The following LYPD8 variants were observed in gnomAD, a reference collection of about 807,000 sequenced individuals.
LYPD8 encodes ly6/PLAUR domain-containing protein 8.
Under a neutral mutation model 1.7 loss-of-function variants are expected in LYPD8, and 8 were observed. The observed-to-expected ratio is 4.58, with a 90% confidence interval of 2.69 to 8.27. The LOEUF is 8.27. LYPD8 is among the 30% of genes most tolerant of loss of function. LYPD8 has a pLI of 0.00. For synonymous variants in LYPD8, 50 were observed against 43.6 expected, an observed-to-expected ratio of 1.15 and a Z score of -0.58; for missense variants, 112 against 102.3, an observed-to-expected ratio of 1.09 and a Z score of -0.41.
intron 2 of LYPD8, among the ~76,000 whole-genome samples, chr1:248,753,019 A>C (rs1662844133): frequency 1.2e-4 from 12 of 96,608 alleles, no homozygotes; most frequent in African/African-American, 3.1e-4. Flanking sequence ...TCATACACAC[A>C]CCACACACCC....
chr1:248,746,313 C>A (rs1057261304), intron 5 of LYPD8, among the ~76,000 whole-genome samples: 7 of 152,284 alleles, frequency 4.6e-5, no homozygotes, highest in African/African-American at 7.2e-5. Context: ...AACTACTGAC[C>A]GGAACTAAAG....
chr1:248,739,640 T>C lies in LYPD8; in HGVS notation c.685A>G (p.Ser229Gly), dbSNP rs1662548341. Residue 229 changes from serine to glycine, a missense_variant, in exon 7 of 7, where the codon AGC becomes GGC. By Grantham distance (56) the Ser-to-Gly change is moderately conservative (BLOSUM62 0). Transcript: ENST00000590317. The surrounding 1 kb of genome is among the most constrained non-coding windows in gnomAD (Gnocchi z 4.3). ...GGCAGCAGTCCCCGAAGAAGGAGGC[T>C]GGCAAGGGCCAAGAGGTAGAGGGAA... ...KASLYLLALA[S>G]LLLRGLLP The C allele has an allele frequency of 1.6e-5, 25 of 1,551,654 alleles. No individual in the cohort carries two copies. The highest frequency in any genetic ancestry group is 2.2e-5 in the Non-Finnish European group (25 of 1,146,968).
chr1:248,745,938 A>T (rs1466631439), intron 5 of LYPD8, among the ~76,000 whole-genome samples: 1 of 152,216 alleles, frequency 6.6e-6, no homozygotes, highest in African/African-American at 2.4e-5. Flanking sequence ...TGTGAATGTA[A>T]AGTGGAGTTT....
At chr1:248,742,564 C>T (rs1402453982) in intron 6 of LYPD8, among the ~76,000 whole-genome samples, 2 of 61,020 alleles carry the variant, frequency 3.3e-5, no homozygotes, top group African/African-American at 8.6e-5. Flanking sequence ...ATGTTGGCAG[C>T]CGGGGAGATT....
intron 2 of LYPD8, among the ~76,000 whole-genome samples, chr1:248,752,996 CAAACACA>C (rs1662842911): frequency 1.8e-5 from 1 of 56,296 alleles, no homozygotes; most frequent in Non-Finnish European, 4.2e-5. Flanking sequence ...AACACACACA[CAAACACA>C]CCACATCATA....
intron 2 of LYPD8, among the ~76,000 whole-genome samples, chr1:248,752,607 CCACACACAT>C (rs1243953319): frequency 2.6e-5 from 3 of 113,986 alleles, no homozygotes; most frequent in Non-Finnish European, 3.8e-5. Flanking sequence ...CCCACACACC[CCACACACAT>C]CACACACACA....
intron 3 of LYPD8, 50 bp from the exon 4 acceptor site, chr1:248,750,693 A>G (rs1235391937): frequency 2.5e-6 from 1 of 398,456 alleles, no homozygotes; most frequent in African/African-American, 2.1e-5. Context: ...AGACATTTAT[A>G]GAGCATACTC....
Position 248,739,547 on chromosome 1 carries a change from A to AG in LYPD8, c.*63dup. On this transcript the variant is annotated 3_prime_UTR_variant, in exon 7 of 7. Coordinates refer to ENST00000590317, the MANE Select transcript of LYPD8 (RefSeq NM_001085474.2). The surrounding 1 kb of genome is among the most constrained non-coding windows in gnomAD (Gnocchi z 4.3). Reference sequence around the variant, plus strand: ...CAGGGAAAGAGGGTGTCAGCACCGCAGGGGGTGCTCTGGACCTCAGAGAAG... The same window carrying AG: ...CAGGGAAAGAGGGTGTCAGCACCGCAGGGGGGTGCTCTGGACCTCAGAGAAG... The AG allele has an allele frequency of 4.5e-6, 7 of 1,545,348 alleles. No homozygotes were observed. The highest frequency in any genetic ancestry group is 6.1e-6 in the Non-Finnish European group (7 of 1,144,198).
intron 2 of LYPD8, among the ~76,000 whole-genome samples, chr1:248,753,862 A>G (rs1285749953): frequency 6.7e-6 from 1 of 149,574 alleles, no homozygotes; most frequent in African/African-American, 2.5e-5. Flanking sequence ...TGACACATAC[A>G]CCACACACCC....
At chr1:248,746,620 G>A (rs1312090902) in intron 5 of LYPD8, among the ~76,000 whole-genome samples, 1,270 of 125,806 alleles carry the variant, frequency 0.01, 9 homozygotes, top group African/African-American at 0.029. Flanking sequence ...GGCATCCCCC[G>A]CACGGCCAGC....
At chr1:248,755,521 C>T in intron 1 of LYPD8, 135 bp from the exon 2 acceptor site, 1 of 152,980 alleles carries the variant, frequency 6.5e-6, no homozygotes. Context: ...CCCCAGCCCA[C>T]ATCCTCCCTG....
At chr1:248,750,820 C>CGAG in intron 3 of LYPD8, among the ~76,000 whole-genome samples, 177 bp from the exon 4 acceptor site, 1 of 152,312 alleles carries the variant, frequency 6.6e-6, no homozygotes, top group East Asian at 1.9e-4. Context: ...ATTAGTTTCT[C>CGAG]CCACTGCTCA....
chr1:248,742,955 G>A (rs1662641254), intron 6 of LYPD8, among the ~76,000 whole-genome samples: 1 of 136,678 alleles, frequency 7.3e-6, no homozygotes, highest in African/African-American at 2.8e-5. Context: ...GGCAGCCGGG[G>A]GAGATTATGC....
chr1:248,744,488 A>C (rs1553283953), intron 6 of LYPD8, among the ~76,000 whole-genome samples: 1 of 152,238 alleles, frequency 6.6e-6, no homozygotes, highest in East Asian at 1.9e-4. Context: ...TACAATGGTT[A>C]GTATCAAATG....
intron 2 of LYPD8, among the ~76,000 whole-genome samples, chr1:248,754,983 GGATGA>G (rs1310547854): frequency 0.12 from 18,469 of 152,018 alleles, 1,625 homozygotes; most frequent in East Asian, 0.25. Context: ...GGAAAGGAGA[GGATGA>G]GATGAGATGA....
chr1:248,755,007 C>T (rs1156533877), intron 2 of LYPD8, among the ~76,000 whole-genome samples: 1 of 152,050 alleles, frequency 6.6e-6, no homozygotes, highest in Non-Finnish European at 1.5e-5. Flanking sequence ...GAGAAGGAGA[C>T]CCCAGCAGCC....
At chr1:248,754,651 C>G (rs1400851400) in intron 2 of LYPD8, among the ~76,000 whole-genome samples, 2 of 152,146 alleles carry the variant, frequency 1.3e-5, no homozygotes, top group Non-Finnish European at 2.9e-5. Context: ...CACACCCTAC[C>G]CTGATACCCT....
chr1:248,746,229 A>G (rs1662724286), intron 5 of LYPD8, among the ~76,000 whole-genome samples: 1 of 152,240 alleles, frequency 6.6e-6, no homozygotes, highest in Admixed American at 6.5e-5. Flanking sequence ...CACATAAACG[A>G]AAGTTCTTTG....
Position 248,740,000 on chromosome 1 carries a change from G to T in LYPD8, c.476-151C>A. 1 of 968,742 alleles carries T rather than the reference G, an allele frequency of 1.0e-6. No individual in the cohort carries two copies. The highest frequency in any genetic ancestry group is 1.5e-6 in the Non-Finnish European group (1 of 663,676). The allele number at this position is 968,742 out of a possible 1,614,324, so 60.0% of individuals were successfully genotyped here. On this transcript the variant is annotated intron_variant, in intron 6 of 6. Coordinates refer to ENST00000590317, the MANE Select transcript of LYPD8 (RefSeq NM_001085474.2). This position sits in a 1 kb window ranked among gnomAD's most constrained non-coding sequence, Gnocchi z 4.3. ...GCCCAGGCAGGAAGAAGGAGCCTGC[G>T]TGTTCAGAGTCAAGAACACCACGCG...
Sources: allele counts gnomAD v4.1 joint callset (sites outside exome capture counted in the v4.1 genomes callset), GRCh38; gene constraint gnomAD v4.1.1; non-coding constraint Gnocchi (gnomAD v3.1); transcripts MANE v1.5; gene names NCBI Gene and HGNC (gene_info 2026-07-23, HGNC 2026-07-21).